Variants in SCFD2 observed in about 807,000 individuals in gnomAD.
SCFD2 encodes sec1 family domain containing 2.
SCFD2 carries 54 observed loss-of-function variants against 58.9 expected under a neutral mutation model. That is an observed-to-expected ratio of 0.92 (90% CI 0.74 to 1.15). SCFD2 has a LOEUF of 1.15. Ranked by LOEUF, SCFD2 falls within the 50% of genes most tolerant of loss-of-function variation. The pLI is 0.00. For missense variants in SCFD2, 805 were observed against 836.6 expected (o/e 0.96, Z 0.47); for synonymous variants, 321 against 335.9 (o/e 0.96, Z 0.49).
At chr4:53,222,410 T>A (rs1327261725) in intron 4 of SCFD2, among the ~76,000 whole-genome samples, 1 of 152,256 alleles carries the variant, frequency 6.6e-6, no homozygotes, top group Non-Finnish European at 1.5e-5. Flanking sequence ...AAAGCTTAAC[T>A]GTCATTTTTA....
chr4:53,136,919 T>G (rs1299530764), intron 5 of SCFD2, among the ~76,000 whole-genome samples: 1 of 152,216 alleles, frequency 6.6e-6, no homozygotes, highest in African/African-American at 2.4e-5. Context: ...ACAGAATAGA[T>G]CATTATTTCA....
intron 4 of SCFD2, among the ~76,000 whole-genome samples, chr4:53,240,445 T>G (rs1167149013): frequency 6.6e-6 from 1 of 152,206 alleles, no homozygotes; most frequent in Non-Finnish European, 1.5e-5. Context: ...GTTTACAGAA[T>G]GGAAAGTGAC....
At chr4:53,081,835 C>G (rs1724157048) in intron 5 of SCFD2, among the ~76,000 whole-genome samples, 1 of 152,142 alleles carries the variant, frequency 6.6e-6, no homozygotes, top group Non-Finnish European at 1.5e-5. Context: ...CCATGTCCCT[C>G]TCTTCTCTAC....
At chr4:53,262,238 G>A (rs1310337712) in intron 4 of SCFD2, among the ~76,000 whole-genome samples, 9 of 152,046 alleles carry the variant, frequency 5.9e-5, no homozygotes. Flanking sequence ...GGAGCATTTA[G>A]GCCATTTTCA....
At chr4:53,245,338 C>T (rs1220909793) in intron 4 of SCFD2, among the ~76,000 whole-genome samples, 1 of 152,112 alleles carries the variant, frequency 6.6e-6, no homozygotes, top group Non-Finnish European at 1.5e-5. Flanking sequence ...CCTTGGTGAA[C>T]ATTGATGCAA....
chr4:53,205,163 A>C (rs1728368434), intron 4 of SCFD2, among the ~76,000 whole-genome samples: 3 of 152,106 alleles, frequency 2.0e-5, no homozygotes, highest in African/African-American at 7.3e-5. Context: ...GCAGAATGAC[A>C]GTGAAAAGAA....
chr4:52,903,689 A>G (rs566851049), intron 7 of SCFD2, among the ~76,000 whole-genome samples: 1 of 152,338 alleles, frequency 6.6e-6, no homozygotes, highest in Admixed American at 6.5e-5. Flanking sequence ...GAAAACATTT[A>G]AATCATGCGT....
intron 4 of SCFD2, among the ~76,000 whole-genome samples, chr4:53,220,823 T>C (rs139950622): frequency 3.3e-5 from 5 of 152,334 alleles, no homozygotes; most frequent in African/African-American, 1.2e-4. Context: ...AAAATAAATA[T>C]ACTTTACTGA....
At chr4:53,212,575 C>CGTGTGTGTGTGTGTGTGT (rs72335886) in intron 4 of SCFD2, among the ~76,000 whole-genome samples, 8 of 142,182 alleles carry the variant, frequency 5.6e-5, no homozygotes, top group African/African-American at 1.6e-4. Flanking sequence ...AAAGTGAGCA[C>CGTGTGTGTGTGTGTGTGT]GTGTGTGTGT....
At chr4:53,237,493 G>A (rs1192353629) in intron 4 of SCFD2, among the ~76,000 whole-genome samples, 8 of 8,116 alleles carry the variant, frequency 9.9e-4, no homozygotes, top group South Asian at 3.2e-3. Context: ...CCTCCCTCCC[G>A]GACGGGCGGC....
chr4:53,327,269 T>C (rs573397529), intron 2 of SCFD2, among the ~76,000 whole-genome samples: 2 of 152,148 alleles, frequency 1.3e-5, no homozygotes, highest in African/African-American at 4.8e-5. Context: ...GAGCATCAGA[T>C]TGCAACCAGA....
rs540783732 is a variant in SCFD2, at chr4:53,262,493, C to T, written c.1311+11333G>A. Among the ~76,000 whole-genome samples the T allele has an allele frequency of 1.4e-4, 21 of 152,264 alleles. No homozygotes were observed. In the South Asian group the frequency reaches 4.4e-3, roughly 32 times the overall value. On this transcript the variant is annotated intron_variant, in intron 4 of 8. Coordinates refer to ENST00000401642, the MANE Select transcript of SCFD2 (RefSeq NM_152540.4). ...TTTGTTTGTCTAGAAAAGACTGTATCTTTCCTTCATTTATGAAGCTTAGTT... is the reference window on the plus strand; with the variant it reads ...TTTGTTTGTCTAGAAAAGACTGTATTTTTCCTTCATTTATGAAGCTTAGTT...
chr4:53,004,486 A>C (rs1422981303), intron 5 of SCFD2, among the ~76,000 whole-genome samples: 4 of 152,202 alleles, frequency 2.6e-5, no homozygotes, highest in Non-Finnish European at 5.9e-5. Flanking sequence ...CATTTACTAC[A>C]TTTAATTCCT....
chr4:53,102,358 C>T (rs1724854246), intron 5 of SCFD2, among the ~76,000 whole-genome samples: 2 of 151,960 alleles, frequency 1.3e-5, no homozygotes. Flanking sequence ...GTAGAAAAGG[C>T]CTTCTGTGAC....
chr4:53,104,614 T>C (rs1394740064), intron 5 of SCFD2, among the ~76,000 whole-genome samples: 2 of 152,226 alleles, frequency 1.3e-5, no homozygotes, highest in African/African-American at 2.4e-5. Context: ...TAACGTAAGA[T>C]GTAAATAATA....
chr4:52,879,295 A>C (rs1718550884), intron 8 of SCFD2, among the ~76,000 whole-genome samples: 1 of 152,192 alleles, frequency 6.6e-6, no homozygotes, highest in Non-Finnish European at 1.5e-5. Flanking sequence ...GTGGGGAGAG[A>C]ATCTTTGCTG....
intron 5 of SCFD2, among the ~76,000 whole-genome samples, chr4:52,984,022 G>T (rs984848941): frequency 6.6e-6 from 1 of 152,150 alleles, no homozygotes; most frequent in Non-Finnish European, 1.5e-5. Flanking sequence ...AGTAAATAGG[G>T]TTATTAGTTT....
intron 5 of SCFD2, among the ~76,000 whole-genome samples, chr4:53,015,434 A>C (rs1020939177): frequency 5.3e-5 from 8 of 152,166 alleles, no homozygotes; most frequent in Non-Finnish European, 1.2e-4. Flanking sequence ...ATGCAAAAAA[A>C]CAAAAACAAA....
chr4:53,155,297 C>T (rs1369718530), intron 4 of SCFD2, among the ~76,000 whole-genome samples: 1 of 152,050 alleles, frequency 6.6e-6, no homozygotes, highest in African/African-American at 2.4e-5. Flanking sequence ...GATAATTAGG[C>T]CATAAGGGAT....
Sources: allele counts gnomAD v4.1 joint callset (sites outside exome capture counted in the v4.1 genomes callset), GRCh38; gene constraint gnomAD v4.1.1; transcripts MANE v1.5; gene names NCBI Gene and HGNC (gene_info 2026-07-23, HGNC 2026-07-21).